Variants in DPP10 observed in about 807,000 individuals in gnomAD.
DPP10 encodes the protein dipeptidyl peptidase like 10.
Under a neutral mutation model 120.9 loss-of-function variants are expected in DPP10, and 33 were observed. The ratio of observed to expected loss-of-function variants is 0.27; its 90% CI spans 0.21 to 0.37. The LOEUF is 0.37. DPP10 is among the 10% of genes least tolerant of loss of function. The probability of loss-of-function intolerance (pLI) is 1.00; values close to 1 mark genes in which losing one functional copy is unlikely to be tolerated. For missense variants in DPP10, 816 were observed against 942.8 expected (o/e 0.87, Z 1.76); for synonymous variants, 337 against 326.1 (o/e 1.03, Z -0.36).
At chr2:115,674,242 GTAAATAAATAAA>G (rs35526958) in intron 5 of DPP10, among the ~76,000 whole-genome samples, 5 of 149,006 alleles carry the variant, frequency 3.4e-5, no homozygotes, top group East Asian at 2.0e-4. Flanking sequence ...AAATAAATGA[GTAAATAAATAAA>G]TAAATAAATA....
intron 1 of DPP10, among the ~76,000 whole-genome samples, chr2:114,995,036 G>A (rs888900365): frequency 2.0e-5 from 3 of 152,168 alleles, no homozygotes; most frequent in Non-Finnish European, 4.4e-5. Context: ...ACTCACTTTA[G>A]CCAGTGGGAT....
intron 1 of DPP10, among the ~76,000 whole-genome samples, chr2:115,291,596 T>G (rs1259332506): frequency 6.6e-6 from 1 of 152,166 alleles, no homozygotes; most frequent in East Asian, 1.9e-4. Flanking sequence ...TTTAATTTAT[T>G]TACACATTTT....
intron 1 of DPP10, among the ~76,000 whole-genome samples, chr2:114,739,511 T>C (rs533826174): frequency 6.6e-6 from 1 of 151,954 alleles, no homozygotes; most frequent in South Asian, 2.1e-4. Flanking sequence ...ATACAAAAAG[T>C]AACCAAGTGT....
At chr2:115,825,047 C>T (rs1688174031) in intron 21 of DPP10, among the ~76,000 whole-genome samples, 1 of 152,156 alleles carries the variant, frequency 6.6e-6, no homozygotes, top group South Asian at 2.1e-4. Context: ...TTCAATATTT[C>T]ACAAGTATTC....
At chr2:115,275,056 C>T (rs1048006947) in intron 1 of DPP10, among the ~76,000 whole-genome samples, 4 of 152,160 alleles carry the variant, frequency 2.6e-5, no homozygotes, top group Non-Finnish European at 5.9e-5. Context: ...ATGATTTAAA[C>T]CAGCTTTAGG....
At chr2:114,720,874 TCA>T (rs1701661741) in intron 1 of DPP10, among the ~76,000 whole-genome samples, 2 of 152,180 alleles carry the variant, frequency 1.3e-5, no homozygotes, top group Admixed American at 6.5e-5. Flanking sequence ...TCTCCACCTA[TCA>T]CAGTGATTCT....
chr2:115,067,211 A>G (rs887048893), intron 1 of DPP10, among the ~76,000 whole-genome samples: 18 of 151,892 alleles, frequency 1.2e-4, no homozygotes, highest in Admixed American at 1.1e-3. Context: ...ATGGTCATCC[A>G]TGTTGTTGCA....
chr2:115,017,257 C>A (rs113107203), intron 1 of DPP10, among the ~76,000 whole-genome samples: 3 of 151,598 alleles, frequency 2.0e-5, no homozygotes, highest in African/African-American at 7.3e-5. Flanking sequence ...AAAAAATGCT[C>A]ATCATCACTG....
intron 5 of DPP10, among the ~76,000 whole-genome samples, chr2:115,551,736 A>G (rs2079886900): frequency 6.6e-6 from 1 of 152,036 alleles, no homozygotes; most frequent in Admixed American, 6.6e-5. Context: ...ATCTATTTGT[A>G]TATATATTTT....
intron 3 of DPP10, among the ~76,000 whole-genome samples, chr2:115,393,365 A>G (rs1302630546): frequency 6.6e-6 from 1 of 152,132 alleles, no homozygotes; most frequent in East Asian, 1.9e-4. Context: ...AATATATCTA[A>G]TGCTAATAAA....
chr2:115,578,833 A>G (rs988319388), intron 5 of DPP10, among the ~76,000 whole-genome samples: 1 of 152,212 alleles, frequency 6.6e-6, no homozygotes, highest in Non-Finnish European at 1.5e-5. Context: ...AAGGCTGCTA[A>G]TAACTAAAGC....
At chr2:114,507,023 TCA>T (rs1200681827) in intron 1 of DPP10, among the ~76,000 whole-genome samples, 1 of 151,772 alleles carries the variant, frequency 6.6e-6, no homozygotes, top group Non-Finnish European at 1.5e-5. Context: ...TCTGAATTAT[TCA>T]GTTTTCTTTT....
chr2:114,627,904 A>G (rs1366801592), intron 1 of DPP10, among the ~76,000 whole-genome samples: 2 of 152,142 alleles, frequency 1.3e-5, no homozygotes, highest in Non-Finnish European at 2.9e-5. Flanking sequence ...ACGGTGCATT[A>G]TGGCTTTAGA....
At chr2:114,860,039 G>T (rs1053552067) in intron 1 of DPP10, among the ~76,000 whole-genome samples, 1 of 152,162 alleles carries the variant, frequency 6.6e-6, no homozygotes, top group Admixed American at 6.5e-5. Context: ...AGAAGCAAGG[G>T]TATACATACA....
intron 13 of DPP10, among the ~76,000 whole-genome samples, chr2:115,773,716 G>A (rs1681750294): frequency 6.6e-6 from 1 of 152,036 alleles, no homozygotes; most frequent in African/African-American, 2.4e-5. Flanking sequence ...CATTTCTGCT[G>A]AAGGTGCTTA....
chr2:115,399,889 A>T (rs2104470758), intron 3 of DPP10, among the ~76,000 whole-genome samples: 1 of 152,218 alleles, frequency 6.6e-6, no homozygotes, highest in African/African-American at 2.4e-5. Context: ...GGGGTCATTT[A>T]TAAAGAAAAA....
At chr2:115,108,411 T>C (rs527452787) in intron 1 of DPP10, among the ~76,000 whole-genome samples, 1 of 152,314 alleles carries the variant, frequency 6.6e-6, no homozygotes, top group African/African-American at 2.4e-5. Flanking sequence ...TCAAGCAAAT[T>C]ATTTCCTTGC....
At chr2:115,025,857 T>C (rs572534529) in intron 1 of DPP10, among the ~76,000 whole-genome samples, 8 of 151,942 alleles carry the variant, frequency 5.3e-5, no homozygotes, top group Admixed American at 1.3e-4. Context: ...TTTTGTGGGG[T>C]CTTTTTGGGT....
intron 5 of DPP10, among the ~76,000 whole-genome samples, chr2:115,614,036 G>T: frequency 6.6e-6 from 1 of 152,144 alleles, no homozygotes; most frequent in East Asian, 1.9e-4. Context: ...CTGATGGAGA[G>T]ATCCAAAAAA....
Sources: allele counts gnomAD v4.1 joint callset (sites outside exome capture counted in the v4.1 genomes callset), GRCh38; gene constraint gnomAD v4.1.1; transcripts MANE v1.5; gene names NCBI Gene and HGNC (gene_info 2026-07-23, HGNC 2026-07-21).